The following SH3KBP1 variants were observed in gnomAD, a reference collection of about 807,000 sequenced individuals.
SH3KBP1 encodes the protein SH3 domain containing kinase binding protein 1.
In SH3KBP1, 8 loss-of-function variants were observed where a neutral mutation model predicts 50.1. That is an observed-to-expected ratio of 0.16 (90% CI 0.09 to 0.29). SH3KBP1 has a LOEUF of 0.29. Among genes scored for constraint, SH3KBP1 ranks in the 10% least tolerant of loss-of-function variants. The probability of loss-of-function intolerance (pLI) is 1.00; values close to 1 mark genes in which losing one functional copy is unlikely to be tolerated. For missense variants in SH3KBP1, 377 were observed against 535.2 expected (o/e 0.70, Z 2.92); for synonymous variants, 227 against 218.6 (o/e 1.04, Z -0.34).
At chrX:19,617,191 T>C (rs1448430100) in intron 8 of SH3KBP1, among the ~76,000 whole-genome samples, 1 of 112,445 alleles carries the variant, frequency 8.9e-6, no homozygotes, top group African/African-American at 3.2e-5. Flanking sequence ...AAGCCAGGGT[T>C]GATGTAAAAC....
At chrX:19,852,314 T>C (rs993680625) in intron 1 of SH3KBP1, among the ~76,000 whole-genome samples, 1 of 111,217 alleles carries the variant, frequency 9.0e-6, no homozygotes, top group African/African-American at 3.3e-5. Context: ...CCCCAGACAC[T>C]GTAGAGCTGA....
At chrX:19,569,953 G>A (rs1256507522) in intron 12 of SH3KBP1, among the ~76,000 whole-genome samples, 2 of 112,169 alleles carry the variant, frequency 1.8e-5, no homozygotes, top group African/African-American at 6.5e-5. Context: ...GGCTATGAGA[G>A]CGGTGAAATA....
chrX:19,851,546 T>C (rs1468219881), intron 1 of SH3KBP1, among the ~76,000 whole-genome samples: 1 of 112,248 alleles, frequency 8.9e-6, no homozygotes, highest in African/African-American at 3.2e-5. Context: ...AATGAAAATA[T>C]ACTCTTTTGA....
At chrX:19,587,269 T>C (rs2066601250) in intron 12 of SH3KBP1, among the ~76,000 whole-genome samples, 1 of 107,257 alleles carries the variant, frequency 9.3e-6, no homozygotes, top group Non-Finnish European at 1.9e-5. Flanking sequence ...TTCCACTTAC[T>C]GAGGTACCTG....
At chrX:19,773,553 C>T (rs1210762989) in intron 2 of SH3KBP1, among the ~76,000 whole-genome samples, 2 of 109,245 alleles carry the variant, frequency 1.8e-5, no homozygotes, top group Non-Finnish European at 3.8e-5. Flanking sequence ...ACACACACCC[C>T]CCTATAAGAA....
At chrX:19,748,782 C>A (rs1005563655) in intron 2 of SH3KBP1, among the ~76,000 whole-genome samples, 98 of 110,634 alleles carry the variant, frequency 8.9e-4, no homozygotes, top group African/African-American at 3.2e-3. Context: ...TCCAACCTGC[C>A]CCTTCTCCCA....
chrX:19,865,882 C>A (rs1348646237), intron 1 of SH3KBP1, among the ~76,000 whole-genome samples: 3 of 111,855 alleles, frequency 2.7e-5, no homozygotes. Flanking sequence ...AGCAACAGTT[C>A]AAATATTAAG....
intron 3 of SH3KBP1, among the ~76,000 whole-genome samples, chrX:19,726,270 A>T (rs1323374820): frequency 9.0e-6 from 1 of 111,655 alleles, no homozygotes; most frequent in East Asian, 2.8e-4. Context: ...GGCGTCTGAC[A>T]GACCCAGGTT....
At chrX:19,753,676 C>T (rs2065131722) in intron 2 of SH3KBP1, among the ~76,000 whole-genome samples, 1 of 111,745 alleles carries the variant, frequency 8.9e-6, no homozygotes. Context: ...GGAGCTTCAG[C>T]TGTAGCTTTA....
chrX:19,566,811 T>C (rs1056248934), intron 13 of SH3KBP1, among the ~76,000 whole-genome samples: 5 of 111,498 alleles, frequency 4.5e-5, no homozygotes, highest in African/African-American at 9.8e-5. Context: ...GGAAGTACTT[T>C]TGGCATTAAC....
intron 1 of SH3KBP1, among the ~76,000 whole-genome samples, chrX:19,855,732 CTGAGTA>C (rs765920360): frequency 8.9e-6 from 1 of 111,938 alleles, no homozygotes; most frequent in East Asian, 2.8e-4. Context: ...AAATAAACAT[CTGAGTA>C]TATGTTTAAT....
chrX:19,672,098 G>A lies in SH3KBP1; in HGVS notation c.726+11725C>T, dbSNP rs183051212. On this transcript the variant is annotated intron_variant, in intron 6 of 17. Coordinates refer to ENST00000397821, the MANE Select transcript of SH3KBP1 (RefSeq NM_031892.3). ...CCTTGGGTAAATAAGACATAAATCT[G>A]TTTACTTATCACACACACACACAAA... 1.8e-3 allele frequency among the ~76,000 whole-genome samples: 198 copies of A among 112,068 alleles called. 2 individuals are homozygous for A. The highest frequency in any genetic ancestry group is 6.1e-3 in the African/African-American group (189 of 30,893).
chrX:19,739,251 CAAGCG>C (rs1161916797), intron 3 of SH3KBP1, among the ~76,000 whole-genome samples: 1 of 111,219 alleles, frequency 9.0e-6, no homozygotes, highest in Non-Finnish European at 1.9e-5. Flanking sequence ...AGTGACATAC[CAAGCG>C]GGGGCAGTCT....
intron 6 of SH3KBP1, chrX:19,670,831 T>G: frequency 1.1e-6 from 1 of 925,937 alleles, no homozygotes. Context: ...TTATTACAAC[T>G]CTAAAAGCAA....
chrX:19,637,045 C>G (rs1164847523), intron 7 of SH3KBP1, among the ~76,000 whole-genome samples: 1 of 112,503 alleles, frequency 8.9e-6, no homozygotes, highest in African/African-American at 3.2e-5. Flanking sequence ...TTATCTCAGA[C>G]ACTACTGGTT....
chrX:19,762,967 G>A (rs1055961073), intron 2 of SH3KBP1, among the ~76,000 whole-genome samples: 4 of 112,090 alleles, frequency 3.6e-5, no homozygotes, highest in African/African-American at 1.3e-4. Flanking sequence ...CCTGCCTGAG[G>A]CAATCTCCTT....
chrX:19,623,724 C>A (rs1163725648), intron 8 of SH3KBP1, among the ~76,000 whole-genome samples: 1 of 112,341 alleles, frequency 8.9e-6, no homozygotes, highest in Admixed American at 9.4e-5. Context: ...ATGCCACTTT[C>A]ATCTCAGAAA....
chrX:19,555,924 T>G (rs139868911), intron 13 of SH3KBP1, among the ~76,000 whole-genome samples: 45 of 111,888 alleles, frequency 4.0e-4, no homozygotes, highest in South Asian at 7.5e-4. Context: ...TCTCGGCATT[T>G]AGTGCCCTGT....
Position 19,668,963 on chromosome X carries a change from TATATATATA to T in SH3KBP1, c.726+14851_726+14859del, listed in dbSNP as rs1569404969. Reference sequence around the variant, plus strand: ...ATATATATATATATATATATATATATATATATATATATTTTTTGAGACAGGCTGTCACTC... The same window carrying T: ...ATATATATATATATATATATATATATTATTTTTTGAGACAGGCTGTCACTC... On this transcript the variant is annotated intron_variant, in intron 6 of 17. Transcript: ENST00000397821. Among the ~76,000 whole-genome samples the T allele has an allele frequency of 3.8e-3, 206 of 53,838 alleles. 5 individuals carry two copies. Among genetic ancestry groups the T allele is most frequent in the African/African-American group, 0.018 (188 of 10,374 alleles). 46.8% of individuals were successfully genotyped at this position (53,838 alleles called of 115,157 possible). A position where few individuals can be genotyped will look rare whatever the true frequency, so the allele number is the denominator to read the frequency against.
Sources: gnomAD v4.1 joint callset for allele counts (sites outside exome capture counted in the v4.1 genomes callset) on GRCh38, gnomAD v4.1.1 for gene constraint, MANE v1.5 for transcripts, NCBI Gene and HGNC (gene_info 2026-07-23, HGNC 2026-07-21) for gene names.